Variants in ROBO2 observed in about 807,000 individuals in gnomAD.
The protein encoded by ROBO2 is roundabout homolog 2.
ROBO2 carries 53 observed loss-of-function variants against 160.8 expected under a neutral mutation model. The ratio of observed to expected loss-of-function variants is 0.33; its 90% confidence interval spans 0.26 to 0.41. The LOEUF (loss-of-function observed/expected upper bound fraction) is 0.41. Ranked by LOEUF, ROBO2 falls within the 10% of genes least tolerant of loss-of-function variation. ROBO2 has a pLI of 1.00. For synonymous variants in ROBO2, 664 were observed against 611.7 expected (o/e 1.09, Z -1.26); for missense variants, 1,577 against 1,722.4 (o/e 0.92, Z 1.49).
At chr3:76,884,909 C>T (rs2073724048) in intron 2 of ROBO2, among the ~76,000 whole-genome samples, 1 of 151,956 alleles carries the variant, frequency 6.6e-6, no homozygotes, top group Non-Finnish European at 1.5e-5. Flanking sequence ...CTGCCAATAG[C>T]TTAAAGAGGG....
chr3:76,120,945 T>G (rs1380498500), intron 2 of ROBO2, among the ~76,000 whole-genome samples: 1 of 152,182 alleles, frequency 6.6e-6, no homozygotes, highest in African/African-American at 2.4e-5. Context: ...CCCTATAGTA[T>G]CTACTAGATT....
chr3:77,351,912 A>G (rs2068388588), intron 2 of ROBO2, among the ~76,000 whole-genome samples: 1 of 151,524 alleles, frequency 6.6e-6, no homozygotes, highest in Non-Finnish European at 1.5e-5. Flanking sequence ...ACACATGGAC[A>G]CAGGAAGGGG....
intron 5 of ROBO2, among the ~76,000 whole-genome samples, chr3:77,503,574 G>A (rs114379168): frequency 0.023 from 3,457 of 150,298 alleles, 130 homozygotes; most frequent in African/African-American, 0.078. Context: ...ATAATAATAA[G>A]GCTATTTGGA....
chr3:76,967,224 A>T (rs985145487), intron 2 of ROBO2, among the ~76,000 whole-genome samples: 5 of 150,658 alleles, frequency 3.3e-5, no homozygotes, highest in South Asian at 2.1e-4. Context: ...TAATTCCAAA[A>T]TGTGCCTTTT....
At chr3:76,789,538 T>C (rs955056835) in intron 2 of ROBO2, among the ~76,000 whole-genome samples, 8 of 151,580 alleles carry the variant, frequency 5.3e-5, no homozygotes, top group Non-Finnish European at 7.4e-5. Context: ...TTCAGTTCTG[T>C]TCCCCTTCCT....
intron 2 of ROBO2, among the ~76,000 whole-genome samples, chr3:77,421,536 T>C (rs1472822606): frequency 6.6e-6 from 1 of 152,084 alleles, no homozygotes; most frequent in East Asian, 1.9e-4. Flanking sequence ...TAGAAATAAG[T>C]AGAGAAAAAG....
rs376352660 is a variant in ROBO2, at chr3:76,491,200, C to T, written c.109+553598C>T. Among the ~76,000 whole-genome samples, 144 of 152,074 alleles carry T rather than the reference C, an allele frequency of 9.5e-4. 1 individual carries two copies. The South Asian group carries it at 0.028, about 29-fold the overall frequency. On this transcript the variant is annotated intron_variant, in intron 2 of 26. Coordinates refer to the ROBO2 transcript ENST00000487694. ...GTTTTGAACTCCTGACCTTGTGATCCGACCTCCCAAAGTGCTGGGATTGCA... is the reference window on the plus strand; with the variant it reads ...GTTTTGAACTCCTGACCTTGTGATCTGACCTCCCAAAGTGCTGGGATTGCA...
intron 2 of ROBO2, among the ~76,000 whole-genome samples, chr3:77,465,780 T>C (rs999619314): frequency 5.3e-5 from 8 of 152,216 alleles, no homozygotes; most frequent in Non-Finnish European, 7.4e-5. Flanking sequence ...TGTTGTTTGA[T>C]ATCAGTTTGT....
chr3:76,185,159 C>T lies in ROBO2; in HGVS notation c.109+247557C>T, dbSNP rs1433551768. Among the ~76,000 whole-genome samples the T allele has an allele frequency of 4.7e-5, 5 of 107,494 alleles. No individual in the cohort carries two copies. In the East Asian group the frequency reaches 1.4e-3, roughly 31 times the overall value. The allele number at this position is 107,494 out of a possible 152,430, so 70.5% of individuals were successfully genotyped here. A position where few individuals can be genotyped will look rare whatever the true frequency, so the allele number is the denominator to read the frequency against. On this transcript the variant is annotated intron_variant, in intron 2 of 26. Coordinates refer to the ROBO2 transcript ENST00000487694. ...ATTTTTTAATCAATGTGCTACAACT[C>T]TTCCATTTTTTTCTAGGCTTCTATA... is the stretch of plus-strand genomic sequence containing the variant.
chr3:77,188,612 A>G (rs1394657266), intron 2 of ROBO2, among the ~76,000 whole-genome samples: 1 of 151,892 alleles, frequency 6.6e-6, no homozygotes, highest in Non-Finnish European at 1.5e-5. Flanking sequence ...GTCTAGTGCT[A>G]AAACAAAATA....
chr3:76,253,204 G>C (rs150247749), intron 2 of ROBO2, among the ~76,000 whole-genome samples: 1 of 152,148 alleles, frequency 6.6e-6, no homozygotes, highest in African/African-American at 2.4e-5. Context: ...TTAAAGACAG[G>C]TATGTTGTGT....
intron 2 of ROBO2, among the ~76,000 whole-genome samples, chr3:76,452,301 G>A (rs935066564): frequency 1.3e-5 from 2 of 151,902 alleles, no homozygotes; most frequent in Non-Finnish European, 2.9e-5. Flanking sequence ...AGCATTAGGT[G>A]TATCTCCTAA....
chr3:76,496,205 CG>C (rs899040469), intron 2 of ROBO2, among the ~76,000 whole-genome samples: 1 of 142,012 alleles, frequency 7.0e-6, no homozygotes, highest in African/African-American at 3.1e-5. Flanking sequence ...TTCATCTTCA[CG>C]TGACAAATAT....
chr3:76,862,164 G>A (rs1357088296), intron 2 of ROBO2, among the ~76,000 whole-genome samples: 1 of 152,002 alleles, frequency 6.6e-6, no homozygotes, highest in Non-Finnish European at 1.5e-5. Flanking sequence ...AAGGTAGAAA[G>A]GACTCCCTAA....
At chr3:76,659,046 G>T (rs1412707031) in intron 2 of ROBO2, among the ~76,000 whole-genome samples, 1 of 151,956 alleles carries the variant, frequency 6.6e-6, no homozygotes, top group East Asian at 1.9e-4. Context: ...TTAGATTGAG[G>T]AGCCAGTTCA....
At chr3:77,630,358 AG>A (rs1034060403) in intron 23 of ROBO2, 1 of 152,402 alleles carries the variant, frequency 6.6e-6, no homozygotes, top group Non-Finnish European at 1.5e-5. Flanking sequence ...CAGAAGACAA[AG>A]GGGCATGTCT....
At chr3:76,267,973 T>C (rs1707197930) in intron 2 of ROBO2, among the ~76,000 whole-genome samples, 1 of 152,120 alleles carries the variant, frequency 6.6e-6, no homozygotes, top group South Asian at 2.1e-4. Context: ...TTCAATAAGA[T>C]TATACTCATA....
In ROBO2 at chr3:77,365,304, C is replaced by T. The variant is rs145903287; in HGVS notation, c.389-112110C>T. On this transcript the variant is annotated intron_variant, in intron 2 of 25. Coordinates refer to ENST00000461745, the Ensembl canonical transcript of ROBO2. Reference sequence around the variant, plus strand: ...AGCTCCACTGAAGGAGGGTTTATGGCAGCTGAATTTGTACATCCTTGTGTT... The same window carrying T: ...AGCTCCACTGAAGGAGGGTTTATGGTAGCTGAATTTGTACATCCTTGTGTT... Among the ~76,000 whole-genome samples, 1,161 of 152,188 alleles carry T rather than the reference C, an allele frequency of 7.6e-3. 12 individuals are homozygous for T. Among genetic ancestry groups the T allele is most frequent in the African/African-American group, 0.026 (1,085 of 41,528 alleles).
chr3:76,867,590 C>T (rs1485208201), intron 2 of ROBO2, among the ~76,000 whole-genome samples: 1 of 152,144 alleles, frequency 6.6e-6, no homozygotes. Context: ...GATGGACTTG[C>T]CCAGATTCTT....
Sources: allele counts gnomAD v4.1 joint callset (sites outside exome capture counted in the v4.1 genomes callset), GRCh38; gene constraint gnomAD v4.1.1; transcripts MANE v1.5; gene names NCBI Gene and HGNC (gene_info 2026-07-23, HGNC 2026-07-21).